FAM174A: variants seen among roughly 807,000 people sequenced by gnomAD.
The protein encoded by FAM174A is membrane protein FAM174A.
FAM174A carries 14 observed loss-of-function variants against 14.3 expected under a neutral mutation model. The observed-to-expected ratio is 0.98, with a 90% CI of 0.65 to 1.53. The LOEUF (loss-of-function observed/expected upper bound fraction) is 1.53. FAM174A is among the 40% of genes most tolerant of loss of function. The pLI, the probability that FAM174A is intolerant of heterozygous loss-of-function variation, is 0.00. For missense variants in FAM174A, 241 were observed against 249.6 expected (o/e 0.97, Z 0.23); for synonymous variants, 108 against 111.4 (o/e 0.97, Z 0.19).
chr5:100,555,894 C>T (rs1580368519), intron 1 of FAM174A, among the ~76,000 whole-genome samples: 2 of 152,056 alleles, frequency 1.3e-5, no homozygotes, highest in Non-Finnish European at 2.9e-5. Context: ...CTATAGGTTG[C>T]CTGTTCACTC....
intron 1 of FAM174A, among the ~76,000 whole-genome samples, chr5:100,554,943 T>G (rs1318916073): frequency 6.6e-6 from 1 of 152,150 alleles, no homozygotes; most frequent in African/African-American, 2.4e-5. Context: ...TTTTTTTAAT[T>G]ATACTTTAAG....
At chr5:100,580,965 G>A (rs1452405424) in intron 2 of FAM174A, among the ~76,000 whole-genome samples, 3 of 152,068 alleles carry the variant, frequency 2.0e-5, no homozygotes, top group Admixed American at 1.3e-4. Context: ...TTTGGCTCTC[G>A]TTGCCCAGGC....
chr5:100,575,596 G>A (rs1314903588), intron 2 of FAM174A, among the ~76,000 whole-genome samples: 1 of 152,142 alleles, frequency 6.6e-6, no homozygotes, highest in African/African-American at 2.4e-5. Flanking sequence ...AGAAAACCTA[G>A]GCAATACCAT....
intron 2 of FAM174A, among the ~76,000 whole-genome samples, chr5:100,572,069 C>T (rs1438616295): frequency 6.6e-6 from 1 of 151,770 alleles, no homozygotes. Flanking sequence ...TTTTTAAGAA[C>T]TGTTGAAAGT....
intron 2 of FAM174A, among the ~76,000 whole-genome samples, chr5:100,563,667 C>G (rs550516848): frequency 6.6e-6 from 1 of 151,858 alleles, no homozygotes; most frequent in Non-Finnish European, 1.5e-5. Flanking sequence ...CAGAACTTTG[C>G]ACCCAACAGC....
At chr5:100,572,871 G>C (rs2112397075) in intron 2 of FAM174A, among the ~76,000 whole-genome samples, 1 of 152,270 alleles carries the variant, frequency 6.6e-6, no homozygotes, top group South Asian at 2.1e-4. Context: ...CCCACCAACA[G>C]TGTAAAAGTG....
At chr5:100,536,998 T>C in intron 1 of FAM174A, among the ~76,000 whole-genome samples, 1 of 152,248 alleles carries the variant, frequency 6.6e-6, no homozygotes, top group Non-Finnish European at 1.5e-5. Flanking sequence ...TAATACATTC[T>C]GTTACAGGCT....
intron 1 of FAM174A, among the ~76,000 whole-genome samples, chr5:100,536,584 A>G (rs973482729): frequency 1.3e-5 from 2 of 152,214 alleles, no homozygotes; most frequent in African/African-American, 4.8e-5. Context: ...GTGGCAGAGA[A>G]TCACCTTCCT....
chr5:100,559,420 A>G (rs1238265970), intron 1 of FAM174A, among the ~76,000 whole-genome samples: 3 of 151,754 alleles, frequency 2.0e-5, no homozygotes, highest in African/African-American at 7.3e-5. Context: ...TGTGTCTTGG[A>G]GTTGCTCTTC....
At chr5:100,577,499 A>C (rs32236) in intron 2 of FAM174A, among the ~76,000 whole-genome samples, 63,588 of 151,938 alleles carry the variant, frequency 0.42, 13,682 homozygotes, top group Admixed American at 0.47. Context: ...TATTAACATC[A>C]GTATATCAGA....
chr5:100,571,683 TATATATATAC>T (rs1178090349), intron 2 of FAM174A, among the ~76,000 whole-genome samples: 2 of 146,808 alleles, frequency 1.4e-5, no homozygotes, highest in African/African-American at 5.0e-5. Context: ...TATATATATA[TATATATATAC>T]ACACACACAC....
intron 1 of FAM174A, among the ~76,000 whole-genome samples, chr5:100,550,391 G>T (rs962054349): frequency 1.3e-5 from 2 of 152,034 alleles, no homozygotes; most frequent in African/African-American, 4.8e-5. Context: ...GTTCTTTCAG[G>T]CTTGTTTTAT....
intron 2 of FAM174A, among the ~76,000 whole-genome samples, chr5:100,572,666 G>C (rs1444507505): frequency 2.6e-5 from 4 of 151,958 alleles, no homozygotes; most frequent in African/African-American, 9.7e-5. Flanking sequence ...GGACATTTGG[G>C]TTGATTCCAA....
At chr5:100,539,347 A>G (rs1481655018) in intron 1 of FAM174A, among the ~76,000 whole-genome samples, 1 of 152,182 alleles carries the variant, frequency 6.6e-6, no homozygotes, top group African/African-American at 2.4e-5. Context: ...AAAGGATGCT[A>G]TGAAAAGGCA....
At chr5:100,566,414 A>C (rs556218900) in intron 2 of FAM174A, among the ~76,000 whole-genome samples, 18 of 151,726 alleles carry the variant, frequency 1.2e-4, no homozygotes, top group African/African-American at 4.3e-4. Context: ...AAGGGAAAAC[A>C]GGAAGATGTT....
chr5:100,539,789 A>G (rs143870210), intron 1 of FAM174A, among the ~76,000 whole-genome samples: 40 of 152,332 alleles, frequency 2.6e-4, no homozygotes, highest in Admixed American at 1.3e-3. Context: ...TATTGCACAT[A>G]AAGATGGCTA....
intron 1 of FAM174A, among the ~76,000 whole-genome samples, chr5:100,558,057 T>C (rs1206022688): frequency 6.6e-6 from 1 of 152,222 alleles, no homozygotes; most frequent in Non-Finnish European, 1.5e-5. Flanking sequence ...TCTTTCCTGC[T>C]TTCTCTTGTG....
rs554560137 is a variant in FAM174A, at chr5:100,542,531, A to G, written c.434+6567A>G. 2.7e-3 allele frequency among the ~76,000 whole-genome samples: 408 copies of G among 152,184 alleles called. 4 individuals are homozygous for G. Among genetic ancestry groups the G allele is most frequent in the South Asian group, 3.5e-3 (17 of 4,824 alleles). On this transcript the variant is annotated intron_variant, in intron 1 of 2. Coordinates refer to ENST00000312637, the MANE Select transcript of FAM174A (RefSeq NM_198507.3). ...GTTCACATCACTAGATTATTGTGCT[A>G]TTGTTTCTAACTTTTCTCCACTTCA...
chr5:100,554,905 A>T (rs931875827), intron 1 of FAM174A, among the ~76,000 whole-genome samples: 8 of 151,976 alleles, frequency 5.3e-5, no homozygotes, highest in Admixed American at 2.0e-4. Flanking sequence ...ATTTTTTTTT[A>T]AATTTTGGAT....
Sources: gnomAD v4.1 joint callset for allele counts (sites outside exome capture counted in the v4.1 genomes callset) on GRCh38, gnomAD v4.1.1 for gene constraint, MANE v1.5 for transcripts, NCBI Gene and HGNC (gene_info 2026-07-23, HGNC 2026-07-21) for gene names.